PPP1R42: variants seen among roughly 807,000 people sequenced by gnomAD.
PPP1R42 encodes leucine rich repeat containing 67.
PPP1R42 carries 34 observed loss-of-function variants against 31.0 expected under a neutral mutation model. That is an observed-to-expected ratio of 1.10 (90% confidence interval 0.83 to 1.46). PPP1R42 has a LOEUF of 1.46. PPP1R42 is among the 40% of genes most tolerant of loss of function. The pLI is 0.00. For synonymous variants in PPP1R42, 103 were observed against 109.8 expected (o/e 0.94, Z 0.39); for missense variants, 268 against 303.0 (o/e 0.88, Z 0.86).
chr8:67,007,838 C>A (rs537977137), intron 5 of PPP1R42, among the ~76,000 whole-genome samples: 1 of 151,102 alleles, frequency 6.6e-6, no homozygotes, highest in South Asian at 2.1e-4. Flanking sequence ...CCTTATTTCA[C>A]TTGCCCCAAA....
At position 67,010,708 on chromosome 8, in the gene PPP1R42, ACACTACCTT is replaced by A. The variant is rs768430729; in HGVS notation, c.550_552+6del. On this transcript the variant is annotated splice_donor_variant and splice_donor_5th_base_variant and coding_sequence_variant and intron_variant, in exon 5 of 8. Coordinates refer to ENST00000685739, the MANE Select transcript of PPP1R42 (RefSeq NM_001364910.1). LOFTEE classifies it high-confidence loss of function. The stretch of plus-strand genomic sequence containing the variant: ...ATATCTTAAAAATTAATTTCTCTTT[ACACTACCTT>A]CACATGCAGAAGTTGGTTGTCAACG... 3.1e-5 allele frequency: 47 copies of A among 1,536,352 alleles called. No individual in the cohort carries two copies. Among genetic ancestry groups the A allele is most frequent in the Middle Eastern group, 3.4e-4 (2 of 5,902 alleles).
chr8:67,001,718 T>C (rs1210449874), intron 5 of PPP1R42, among the ~76,000 whole-genome samples: 1 of 152,226 alleles, frequency 6.6e-6, no homozygotes, highest in Non-Finnish European at 1.5e-5. Flanking sequence ...ACCACTATTT[T>C]CTCCATTCCT....
chr8:66,971,033 C>T, intron 7 of PPP1R42: 1 of 1,531,488 alleles, frequency 6.5e-7, no homozygotes, highest in Non-Finnish European at 8.7e-7. Flanking sequence ...TCTGGAGATG[C>T]ATTTGCATTT....
intron 5 of PPP1R42, among the ~76,000 whole-genome samples, chr8:66,996,827 T>C (rs7831045): frequency 0.023 from 3,500 of 152,322 alleles, 148 homozygotes; most frequent in African/African-American, 0.08. Flanking sequence ...CCACCATTTG[T>C]TGAAAACATT....
chr8:66,990,247 A>T (rs1011455369), intron 5 of PPP1R42, among the ~76,000 whole-genome samples: 3 of 152,194 alleles, frequency 2.0e-5, no homozygotes, highest in Non-Finnish European at 4.4e-5. Flanking sequence ...ACAGTGTTGA[A>T]TGTGATGCCC....
At chr8:66,987,491 C>G (rs1019822529) in intron 6 of PPP1R42, among the ~76,000 whole-genome samples, 6 of 151,918 alleles carry the variant, frequency 3.9e-5, no homozygotes, top group African/African-American at 1.5e-4. Flanking sequence ...GGGGTTTCAC[C>G]GTGTTGCCCA....
intron 5 of PPP1R42, among the ~76,000 whole-genome samples, chr8:67,002,597 C>T (rs994558535): frequency 1.3e-5 from 2 of 151,976 alleles, no homozygotes; most frequent in Admixed American, 6.6e-5. Context: ...TTTTGTTGAG[C>T]TTCATAGATC....
intron 7 of PPP1R42, 37 bp from the exon 8 acceptor site, chr8:66,964,371 A>C (rs1814325313): frequency 8.8e-7 from 1 of 1,142,374 alleles, no homozygotes; most frequent in Non-Finnish European, 1.1e-6. Flanking sequence ...GCATTAAATT[A>C]AAAAAATGAA....
intron 5 of PPP1R42, among the ~76,000 whole-genome samples, chr8:66,988,957 A>T: frequency 6.7e-6 from 1 of 148,474 alleles, no homozygotes; most frequent in African/African-American, 2.5e-5. Context: ...TTTAAGTGTT[A>T]AAAAAAAAAG....
intron 5 of PPP1R42, among the ~76,000 whole-genome samples, chr8:67,006,680 T>C (rs1212825134): frequency 6.6e-6 from 1 of 150,838 alleles, no homozygotes; most frequent in African/African-American, 2.4e-5. Flanking sequence ...TGCTTATGTA[T>C]TTTTTTTAAC....
Position 67,002,421 on chromosome 8 carries a change from A to G in PPP1R42, c.552+8294T>C, listed in dbSNP as rs187496819. On this transcript the variant is annotated intron_variant, in intron 5 of 7. Coordinates refer to ENST00000685739, the MANE Select transcript of PPP1R42 (RefSeq NM_001364910.1). ...ACCATGTTGGCCAGGCTAGTCATCA[A>G]CTCCTGACCTCGAGTCATCCGCCCG... 2.6e-5 allele frequency among the ~76,000 whole-genome samples: 4 copies of G among 151,956 alleles called. No homozygotes were observed. In the East Asian group the frequency reaches 7.7e-4, roughly 29 times the overall value.
chr8:66,989,888 CA>C (rs1223851327), intron 5 of PPP1R42, among the ~76,000 whole-genome samples: 6 of 152,154 alleles, frequency 3.9e-5, no homozygotes, highest in Non-Finnish European at 5.9e-5. Context: ...GTGCCTGGAA[CA>C]AAGAAAGTAA....
At chr8:66,972,557 T>G (rs1481820088) in intron 7 of PPP1R42, among the ~76,000 whole-genome samples, 1 of 152,116 alleles carries the variant, frequency 6.6e-6, no homozygotes, top group Non-Finnish European at 1.5e-5. Flanking sequence ...ACCCGGCTAA[T>G]TTTTGTACTA....
chr8:66,982,284 G>T, intron 6 of PPP1R42, 104 bp from the exon 7 acceptor site: 1 of 475,546 alleles, frequency 2.1e-6, no homozygotes. Flanking sequence ...TTACACCATA[G>T]ACTGAAATAA....
At chr8:67,015,702 G>C (rs1437009772) in intron 2 of PPP1R42, among the ~76,000 whole-genome samples, 1 of 151,884 alleles carries the variant, frequency 6.6e-6, no homozygotes, top group East Asian at 1.9e-4. Flanking sequence ...GGGATTATAG[G>C]CATGCGCCAC....
intron 6 of PPP1R42, chr8:66,984,793 A>G (rs1814953167): frequency 6.2e-7 from 1 of 1,608,546 alleles, no homozygotes; most frequent in East Asian, 2.2e-5. Context: ...CAAATTAGAA[A>G]TTCTCACTTT....
At chr8:67,006,784 TCG>T (rs1226437851) in intron 5 of PPP1R42, among the ~76,000 whole-genome samples, 1 of 143,898 alleles carries the variant, frequency 6.9e-6, no homozygotes, top group East Asian at 2.1e-4. Flanking sequence ...TCTCGCTCTG[TCG>T]TCCAGGCTGG....
At chr8:67,003,061 G>GCCT (rs1563425700) in intron 5 of PPP1R42, among the ~76,000 whole-genome samples, 1 of 149,798 alleles carries the variant, frequency 6.7e-6, no homozygotes, top group Non-Finnish European at 1.5e-5. Flanking sequence ...GCTACTAGGT[G>GCCT]GGGCTGAGGC....
At chr8:66,997,360 C>A (rs1382812296) in intron 5 of PPP1R42, among the ~76,000 whole-genome samples, 1 of 151,914 alleles carries the variant, frequency 6.6e-6, no homozygotes, top group Non-Finnish European at 1.5e-5. Flanking sequence ...AGTGCAGTGC[C>A]ATGATCATGG....
Sources: gnomAD v4.1 joint callset for allele counts (sites outside exome capture counted in the v4.1 genomes callset) on GRCh38, gnomAD v4.1.1 for gene constraint, MANE v1.5 for transcripts, NCBI Gene and HGNC (gene_info 2026-07-23, HGNC 2026-07-21) for gene names.